Variants in RFX3 observed in about 807,000 individuals in gnomAD.
RFX3 encodes the protein regulatory factor X3.
In RFX3, 14 loss-of-function variants were observed where a neutral mutation model predicts 98.6. That is an observed-to-expected ratio of 0.14 (90% CI 0.09 to 0.22). RFX3 has a LOEUF of 0.22. Among genes scored for constraint, RFX3 ranks in the 10% least tolerant of loss-of-function variants. The pLI, the probability that RFX3 is intolerant of heterozygous loss-of-function variation, is 1.00. For missense variants in RFX3, 639 were observed against 926.9 expected (o/e 0.69, Z 4.03); for synonymous variants, 383 against 328.4 (o/e 1.17, Z -1.80).
At chr9:3,460,114 A>G (rs139415580) in intron 1 of RFX3, among the ~76,000 whole-genome samples, 174 of 152,180 alleles carry the variant, frequency 1.1e-3, no homozygotes, top group African/African-American at 3.9e-3. Flanking sequence ...GCCTTCTACC[A>G]TTACTCTGGC....
intron 1 of RFX3, among the ~76,000 whole-genome samples, chr9:3,437,094 T>C (rs1845196739): frequency 6.6e-6 from 1 of 152,090 alleles, no homozygotes. Context: ...AAAAACATTC[T>C]TGCTGTAGAT....
chr9:3,300,271 G>A (rs959484612), intron 5 of RFX3, among the ~76,000 whole-genome samples: 1 of 151,578 alleles, frequency 6.6e-6, no homozygotes, highest in African/African-American at 2.4e-5. Context: ...TCAAAAGGAA[G>A]GGCCAGAATA....
At chr9:3,425,105 G>A (rs1368805667) in intron 1 of RFX3, among the ~76,000 whole-genome samples, 2 of 152,146 alleles carry the variant, frequency 1.3e-5, no homozygotes, top group Non-Finnish European at 2.9e-5. Flanking sequence ...AGGCATGGTG[G>A]CCCACATCTG....
intron 12 of RFX3, among the ~76,000 whole-genome samples, chr9:3,265,487 A>G (rs1184350059): frequency 2.0e-5 from 3 of 152,222 alleles, no homozygotes; most frequent in Non-Finnish European, 4.4e-5. Context: ...GGAGTCTGAC[A>G]GTAAATACAG....
At chr9:3,522,453 TAA>T (rs1027939078) in intron 1 of RFX3, among the ~76,000 whole-genome samples, 10 of 152,302 alleles carry the variant, frequency 6.6e-5, no homozygotes, top group Admixed American at 1.3e-4. Flanking sequence ...TCAAAAATGT[TAA>T]AGTTTACTTC....
At chr9:3,373,055 T>C (rs1838040587) in intron 2 of RFX3, among the ~76,000 whole-genome samples, 1 of 152,206 alleles carries the variant, frequency 6.6e-6, no homozygotes, top group East Asian at 1.9e-4. Context: ...AGCCAACTAT[T>C]CGTTGCCATA....
chr9:3,374,076 TCACACACACACGCGCGCACA>T (rs1427331450), intron 2 of RFX3, among the ~76,000 whole-genome samples: 12 of 146,792 alleles, frequency 8.2e-5, no homozygotes, highest in Non-Finnish European at 1.8e-4. Flanking sequence ...AGACTCTGTC[TCACACACACACGCGCGCACA>T]CACACACACA....
chr9:3,427,250 ATATATAATACTATATATATATTTTAT>A (rs1293086454), intron 1 of RFX3, among the ~76,000 whole-genome samples: 8 of 144,300 alleles, frequency 5.5e-5, no homozygotes, highest in South Asian at 4.2e-4. Context: ...AATAAAATAT[ATATATAATACTATATATATATTTTAT>A]TATATAATAC....
chr9:3,380,820 C>A (rs1045298423), intron 2 of RFX3, among the ~76,000 whole-genome samples: 1 of 152,064 alleles, frequency 6.6e-6, no homozygotes, highest in African/African-American at 2.4e-5. Context: ...AGTTAAGAAC[C>A]ATCTAATTAA....
intron 1 of RFX3, among the ~76,000 whole-genome samples, chr9:3,426,899 C>T (rs1202028548): frequency 1.3e-5 from 2 of 151,916 alleles, no homozygotes; most frequent in African/African-American, 4.8e-5. Flanking sequence ...TTGAATCATT[C>T]CTCCACCCCC....
intron 1 of RFX3, among the ~76,000 whole-genome samples, chr9:3,411,646 T>G (rs1025909096): frequency 8.6e-5 from 13 of 151,348 alleles, no homozygotes; most frequent in East Asian, 5.8e-4. Flanking sequence ...CAGCTAATTT[T>G]TGTGTGTGTG....
intron 1 of RFX3, among the ~76,000 whole-genome samples, chr9:3,474,050 T>C (rs1346749737): frequency 6.6e-6 from 1 of 152,200 alleles, no homozygotes; most frequent in Non-Finnish European, 1.5e-5. Flanking sequence ...ATTTGCATGC[T>C]ATGAAATTCC....
At chr9:3,497,172 G>T (rs577745446) in intron 1 of RFX3, among the ~76,000 whole-genome samples, 2 of 152,096 alleles carry the variant, frequency 1.3e-5, no homozygotes, top group East Asian at 3.9e-4. Context: ...GTTACAATAT[G>T]TACCAATTCA....
At chr9:3,467,782 G>A (rs1172465062) in intron 1 of RFX3, among the ~76,000 whole-genome samples, 2 of 152,130 alleles carry the variant, frequency 1.3e-5, no homozygotes, top group Non-Finnish European at 2.9e-5. Flanking sequence ...AGTAGAGGCT[G>A]CCAGTGTACA....
At chr9:3,421,019 CAAAA>C (rs145747158) in intron 1 of RFX3, 142 of 181,044 alleles carry the variant, frequency 7.8e-4, no homozygotes, top group Middle Eastern at 2.8e-3. Context: ...TACTATGTGC[CAAAA>C]AAAAAAAAAA....
At chr9:3,394,403 C>T (rs577932754) in intron 2 of RFX3, among the ~76,000 whole-genome samples, 4 of 152,130 alleles carry the variant, frequency 2.6e-5, no homozygotes, top group Non-Finnish European at 5.9e-5. Flanking sequence ...GCAGAGCTTG[C>T]GGTGAGCCGA....
intron 1 of RFX3, among the ~76,000 whole-genome samples, chr9:3,499,982 A>G (rs1479890840): frequency 6.6e-6 from 1 of 152,146 alleles, no homozygotes; most frequent in Non-Finnish European, 1.5e-5. Flanking sequence ...TCCTTTTTAA[A>G]GAGCCAGTTA....
chr9:3,304,879 T>C (rs937209209), intron 4 of RFX3, among the ~76,000 whole-genome samples: 1 of 152,062 alleles, frequency 6.6e-6, no homozygotes, highest in South Asian at 2.1e-4. Context: ...AATACAAGCA[T>C]AGTTCAGAAA....
At chr9:3,422,419 C>T (rs934865409) in intron 1 of RFX3, among the ~76,000 whole-genome samples, 1 of 152,222 alleles carries the variant, frequency 6.6e-6, no homozygotes, top group Non-Finnish European at 1.5e-5. Flanking sequence ...AACACAGAAA[C>T]ACTGTGGCTA....
Sources: allele counts gnomAD v4.1 joint callset (sites outside exome capture counted in the v4.1 genomes callset), GRCh38; gene constraint gnomAD v4.1.1; transcripts MANE v1.5; gene names NCBI Gene and HGNC (gene_info 2026-07-23, HGNC 2026-07-21).